Variants in VPS13B observed in about 807,000 individuals in gnomAD.
The protein encoded by VPS13B is vacuolar protein sorting 13 homolog B, also known as intermembrane lipid transfer protein VPS13B.
In VPS13B, 285 loss-of-function variants were observed where a neutral mutation model predicts 426.4. That is an observed-to-expected ratio of 0.67 (90% confidence interval 0.61 to 0.74). The LOEUF is 0.74. Ranked by LOEUF, VPS13B falls within the 30% of genes least tolerant of loss-of-function variation. The pLI, the probability that VPS13B is intolerant of heterozygous loss-of-function variation, is 0.00. For missense variants in VPS13B, 4,537 were observed against 4,782.6 expected (o/e 0.95, Z 1.51); for synonymous variants, 1,676 against 1,676.4 (o/e 1.00, Z 0.01).
intron 43 of VPS13B, among the ~76,000 whole-genome samples, chr8:99,798,170 G>A (rs1588720098): frequency 6.7e-6 from 1 of 150,234 alleles, no homozygotes; most frequent in South Asian, 2.1e-4. Context: ...AGGAACTACC[G>A]TCCAGCCGCC....
intron 7 of VPS13B, 127 bp downstream of exon 7, chr8:99,116,001 T>C: frequency 1.0e-6 from 1 of 1,002,082 alleles, no homozygotes; most frequent in Non-Finnish European, 1.5e-6. Flanking sequence ...CTGATTGTTT[T>C]TTGGTTGTTT....
intron 24 of VPS13B, among the ~76,000 whole-genome samples, chr8:99,473,793 T>C (rs1396141359): frequency 6.6e-6 from 1 of 152,122 alleles, no homozygotes; most frequent in Non-Finnish European, 1.5e-5. Flanking sequence ...CTAACAAAAC[T>C]CACCAAGCTT....
intron 28 of VPS13B, 22 bp downstream of exon 28, chr8:99,507,225 T>C (rs1249139476): frequency 1.2e-6 from 2 of 1,611,970 alleles, no homozygotes; most frequent in South Asian, 2.2e-5. Context: ...TTAGTTACTA[T>C]GATTTTTGAA....
In VPS13B at chr8:99,135,094, T is replaced by C. The variant is rs754324907; in HGVS notation, c.1382T>C (p.Met461Thr). 4 of 1,613,468 alleles carry C rather than the reference T, an allele frequency of 2.5e-6. No individual in the cohort carries two copies. Among genetic ancestry groups the C allele is most frequent in the African/African-American group, 1.3e-5 (1 of 74,904 alleles). The change falls in exon 10 of 62, where the codon ATG (methionine) becomes ACG (threonine). Residue 461 changes from methionine (M) to threonine (T), a missense_variant. Physicochemically the swap from Met to Thr is moderately conservative, Grantham distance 81 (BLOSUM62 -1). Coordinates refer to ENST00000357162, the MANE Select transcript of VPS13B (RefSeq NM_152564.5). The part of the protein sequence containing the change: ...GCRAMCLKGI[M>T]GVKDFEENMN... ...AGAGCCATGTGCCTTAAAGGAATTA[T>C]GGGTGTTAAAGATTTTGAAGAGAAT...
chr8:99,388,552 G>A (rs1181645146), intron 20 of VPS13B, among the ~76,000 whole-genome samples: 1 of 152,110 alleles, frequency 6.6e-6, no homozygotes, highest in Admixed American at 6.5e-5. Flanking sequence ...AATTTGAGAA[G>A]AGCTACAGTA....
At chr8:99,850,383 A>G (rs906591366) in intron 55 of VPS13B, among the ~76,000 whole-genome samples, 1 of 149,692 alleles carries the variant, frequency 6.7e-6, no homozygotes, top group African/African-American at 2.5e-5. Context: ...ACTTATACAT[A>G]CATACATAAG....
chr8:99,161,562 A>G (rs897039717), intron 15 of VPS13B, among the ~76,000 whole-genome samples: 8 of 152,264 alleles, frequency 5.3e-5, no homozygotes, highest in Middle Eastern at 3.4e-3. Context: ...TATATTTTGG[A>G]AAAAGGGCCT....
chr8:99,684,457 C>T (rs964596063), intron 35 of VPS13B, among the ~76,000 whole-genome samples: 2 of 152,170 alleles, frequency 1.3e-5, no homozygotes, highest in African/African-American at 4.8e-5. Flanking sequence ...AAATAGAGGG[C>T]TTCTCCTTGA....
chr8:99,523,025 C>G (rs1170218218), intron 30 of VPS13B, among the ~76,000 whole-genome samples: 4 of 152,112 alleles, frequency 2.6e-5, no homozygotes, highest in Non-Finnish European at 4.4e-5. Flanking sequence ...TCTCAGTGAA[C>G]TAGATGCAAA....
intron 17 of VPS13B, among the ~76,000 whole-genome samples, chr8:99,255,262 A>G (rs1472400485): frequency 6.6e-6 from 1 of 151,170 alleles, no homozygotes; most frequent in East Asian, 1.9e-4. Context: ...ACAAATTCCT[A>G]TTTCTTTGCC....
intron 19 of VPS13B, among the ~76,000 whole-genome samples, chr8:99,374,054 A>T (rs1813338307): frequency 6.6e-6 from 1 of 152,132 alleles, no homozygotes; most frequent in African/African-American, 2.4e-5. Flanking sequence ...TGGGTATAGA[A>T]ATCTAGGTTG....
At chr8:99,483,619 A>G (rs1820155358) in intron 25 of VPS13B, among the ~76,000 whole-genome samples, 1 of 152,202 alleles carries the variant, frequency 6.6e-6, no homozygotes, top group Non-Finnish European at 1.5e-5. Context: ...AATGATAAAT[A>G]CAGTTAAATC....
At chr8:99,459,524 C>T (rs1189083357) in intron 23 of VPS13B, among the ~76,000 whole-genome samples, 1 of 152,130 alleles carries the variant, frequency 6.6e-6, no homozygotes, top group Non-Finnish European at 1.5e-5. Context: ...TAGGCTATAG[C>T]CCATCTGTGG....
chr8:99,227,732 A>C (rs944635173), intron 17 of VPS13B, among the ~76,000 whole-genome samples: 2 of 152,190 alleles, frequency 1.3e-5, no homozygotes, highest in Non-Finnish European at 2.9e-5. Flanking sequence ...TCCATATTAA[A>C]ATACAAGTAG....
intron 3 of VPS13B, among the ~76,000 whole-genome samples, chr8:99,063,202 C>T (rs934434679): frequency 6.6e-6 from 1 of 152,170 alleles, no homozygotes; most frequent in African/African-American, 2.4e-5. Context: ...TACCTGGTTC[C>T]TCTCATTGGG....
At chr8:99,036,997 T>C (rs1004619494) in intron 2 of VPS13B, among the ~76,000 whole-genome samples, 11 of 152,150 alleles carry the variant, frequency 7.2e-5, no homozygotes, top group Admixed American at 7.2e-4. Flanking sequence ...AGATTCTTCA[T>C]TGTAAAATGG....
At chr8:99,698,005 G>A (rs1156778960) in intron 35 of VPS13B, 2 of 402,516 alleles carry the variant, frequency 5.0e-6, no homozygotes, top group Non-Finnish European at 4.8e-6. Context: ...AGGCCGCAGA[G>A]GTGAAGAGCT....
Position 99,854,170 on chromosome 8 carries a change from T to G in VPS13B, c.10781T>G (p.Phe3594Cys). The G allele has an allele frequency of 1.2e-6, 2 of 1,613,912 alleles. No individual in the cohort carries two copies. The highest frequency in any genetic ancestry group is 8.5e-7 in the Non-Finnish European group (1 of 1,180,012). The change falls in exon 56 of 62, where the codon TTT (phenylalanine) becomes TGT (cysteine). Residue 3594 changes from phenylalanine (F) to cysteine (C), a missense_variant. Transcript: ENST00000357162. ...SDHTPLSFSV[F>C]ERGPIFTTAR... ...CACACTCCTCTCTCCTTCTCGGTGTTTGAAAGAGGACCCATCTTCACCACT... is the reference window on the plus strand; with the variant it reads ...CACACTCCTCTCTCCTTCTCGGTGTGTGAAAGAGGACCCATCTTCACCACT...
intron 31 of VPS13B, among the ~76,000 whole-genome samples, chr8:99,572,434 A>T (rs1031368697): frequency 4.6e-5 from 7 of 151,838 alleles, no homozygotes; most frequent in Non-Finnish European, 7.4e-5. Context: ...TACATTGGGT[A>T]TATCTCCTAA....
Sources: gnomAD v4.1 joint callset for allele counts (sites outside exome capture counted in the v4.1 genomes callset) on GRCh38, gnomAD v4.1.1 for gene constraint, MANE v1.5 for transcripts, NCBI Gene and HGNC (gene_info 2026-07-23, HGNC 2026-07-21) for gene names.